AVEN: variants seen among roughly 807,000 people sequenced by gnomAD.
AVEN encodes cell death regulator Aven.
A neutral mutation model predicts 38.1 loss-of-function variants in AVEN; 41 were observed. The observed-to-expected ratio is 1.08, with a 90% CI of 0.84 to 1.40. The LOEUF (loss-of-function observed/expected upper bound fraction) is 1.40, where lower values mean the gene tolerates loss of function less well. Among genes scored for constraint, AVEN ranks in the 40% most tolerant of loss-of-function variants. The pLI, the probability that AVEN is intolerant of heterozygous loss-of-function variation, is 0.00. For missense variants in AVEN, 605 were observed against 438.8 expected, an observed-to-expected ratio of 1.38 and a Z score of -3.38; for synonymous variants, 206 against 171.8, an observed-to-expected ratio of 1.20 and a Z score of -1.56.
intron 1 of AVEN, among the ~76,000 whole-genome samples, chr15:34,004,738 T>C (rs1419270779): frequency 6.6e-6 from 1 of 152,190 alleles, no homozygotes; most frequent in Non-Finnish European, 1.5e-5. Flanking sequence ...AATTGGTAAT[T>C]GCTGAAGCTG....
intron 2 of AVEN, among the ~76,000 whole-genome samples, chr15:33,938,920 C>A (rs144437022): frequency 1.2e-3 from 183 of 151,718 alleles, no homozygotes; most frequent in African/African-American, 4.3e-3. Context: ...CGGCTCACTG[C>A]AACCTCTGCC....
intron 2 of AVEN, among the ~76,000 whole-genome samples, chr15:33,918,641 A>T (rs924225801): frequency 6.6e-6 from 1 of 151,374 alleles, no homozygotes; most frequent in South Asian, 2.1e-4. Flanking sequence ...TTTAGCAGAG[A>T]TGGGGGTTTC....
At chr15:33,880,331 T>C (rs1160194457) in intron 2 of AVEN, among the ~76,000 whole-genome samples, 1 of 152,110 alleles carries the variant, frequency 6.6e-6, no homozygotes, top group African/African-American at 2.4e-5. Flanking sequence ...CCTAAGGCAT[T>C]TATCAATTTT....
chr15:33,954,229 C>T (rs529203814), intron 2 of AVEN, among the ~76,000 whole-genome samples: 39 of 151,822 alleles, frequency 2.6e-4, no homozygotes, highest in Non-Finnish European at 3.7e-4. Context: ...TCAACCATTG[C>T]GGAAGACAGT....
chr15:33,857,815 TTATCTC>T, downstream of AVEN: 1 of 1,614,198 alleles, frequency 6.2e-7, no homozygotes. Flanking sequence ...CCGTGGTGGT[TTATCTC>T]TATACTGTGG....
chr15:33,875,366 T>G (rs530765296), intron 3 of AVEN, among the ~76,000 whole-genome samples: 72 of 152,308 alleles, frequency 4.7e-4, no homozygotes, highest in Non-Finnish European at 8.5e-4. Flanking sequence ...AGAGGAAGCC[T>G]GCTTGGAAAA....
Position 34,063,149 on chromosome 15 carries a change from G to A in AVEN, n.1410C>T, listed in dbSNP as rs771958823. 35 of 1,613,990 alleles carry A rather than the reference G, an allele frequency of 2.2e-5. No individual in the cohort carries two copies. Among genetic ancestry groups the A allele is most frequent in the South Asian group, 3.3e-5 (3 of 91,070 alleles). On this transcript the variant is annotated non_coding_transcript_exon_variant, in exon 5 of 12. Transcript: ENST00000675287. This position sits in a 1 kb window ranked among gnomAD's most constrained non-coding sequence, Gnocchi z 4.1. ...TGACATATCGGGCCAAGCGTACTCCGAAAAGGGCTGGCATCATGATTGGCT... is the reference window on the plus strand; with the variant it reads ...TGACATATCGGGCCAAGCGTACTCCAAAAAGGGCTGGCATCATGATTGGCT...
intron 2 of AVEN, among the ~76,000 whole-genome samples, chr15:33,967,708 C>A (rs186196721): frequency 7.3e-4 from 111 of 151,808 alleles, no homozygotes; most frequent in African/African-American, 2.4e-3. Flanking sequence ...AACTGAAGTG[C>A]AGTTTTAAAA....
intron 11 of AVEN, among the ~76,000 whole-genome samples, chr15:33,860,811 A>AC (rs1887908264): frequency 6.6e-6 from 1 of 151,788 alleles, no homozygotes; most frequent in African/African-American, 2.4e-5. Flanking sequence ...ACCCTGCCAT[A>AC]CCCCTGCCAG....
intron 4 of AVEN, among the ~76,000 whole-genome samples, chr15:33,870,593 A>C (rs1478045773): frequency 2.0e-5 from 3 of 152,208 alleles, no homozygotes; most frequent in African/African-American, 7.2e-5. Context: ...AAGTTCCAGA[A>C]AGGCAGGAAC....
At chr15:34,068,982 T>C (rs1387320562) in intron 2 of AVEN, among the ~76,000 whole-genome samples, 1 of 151,944 alleles carries the variant, frequency 6.6e-6, no homozygotes, top group Non-Finnish European at 1.5e-5. Flanking sequence ...CGGCTAATTT[T>C]TTGTATTTTT....
chr15:33,872,364 T>G (rs1228285807), intron 3 of AVEN, among the ~76,000 whole-genome samples: 3 of 152,192 alleles, frequency 2.0e-5, no homozygotes, highest in African/African-American at 7.2e-5. Context: ...TACTTCACTT[T>G]GCAGCTAAAA....
intron 2 of AVEN, among the ~76,000 whole-genome samples, chr15:33,887,096 T>C (rs993537010): frequency 2.0e-5 from 3 of 152,238 alleles, no homozygotes; most frequent in African/African-American, 4.8e-5. Flanking sequence ...CATAGTTCTA[T>C]CAAACCACAA....
chr15:33,895,361 T>C (rs636322), intron 2 of AVEN, among the ~76,000 whole-genome samples: 123,473 of 150,562 alleles, frequency 0.82, 54,695 homozygotes, highest in Non-Finnish European at 0.98. Context: ...GGCCCCACTC[T>C]ATTACCCAGT....
chr15:33,927,592 C>T lies in AVEN; in HGVS notation c.446-51597G>A, dbSNP rs1034525405. ...GGCTAACAGAACAAGCTTCAGGGCT[C>T]CTCACTTGCACAGGCCCCTTCCAAG... On this transcript the variant is annotated intron_variant, in intron 2 of 5. Coordinates refer to ENST00000306730, the MANE Select transcript of AVEN (RefSeq NM_020371.3). Among the ~76,000 whole-genome samples the T allele has an allele frequency of 4.6e-5, 7 of 152,084 alleles. No individual in the cohort carries two copies. The South Asian group carries it at 1.0e-3, about 23-fold the overall frequency.
At chr15:33,961,621 G>A (rs557494892) in intron 2 of AVEN, among the ~76,000 whole-genome samples, 8 of 151,442 alleles carry the variant, frequency 5.3e-5, no homozygotes, top group African/African-American at 4.9e-5. Context: ...AGACCATTCT[G>A]GCTAACACGG....
intron 2 of AVEN, among the ~76,000 whole-genome samples, chr15:33,967,933 A>G (rs1895453164): frequency 6.7e-6 from 1 of 149,262 alleles, no homozygotes; most frequent in Non-Finnish European, 1.5e-5. Flanking sequence ...ACAGGCATAC[A>G]TTTAGGAAAA....
intron 2 of AVEN, among the ~76,000 whole-genome samples, chr15:33,933,785 C>G (rs566977872): frequency 2.8e-4 from 43 of 152,218 alleles, no homozygotes; most frequent in African/African-American, 9.6e-4. Context: ...ATGGCAAAAC[C>G]CTGTCTCTGC....
chr15:33,917,529 A>G (rs898342297), intron 2 of AVEN, among the ~76,000 whole-genome samples: 18 of 125,080 alleles, frequency 1.4e-4, no homozygotes, highest in African/African-American at 5.3e-4. Context: ...ATACGTGTAT[A>G]TATATATATA....
Sources: gnomAD v4.1 joint callset for allele counts (sites outside exome capture counted in the v4.1 genomes callset) on GRCh38, gnomAD v4.1.1 for gene constraint, Gnocchi (gnomAD v3.1) non-coding constraint, MANE v1.5 for transcripts, NCBI Gene and HGNC (gene_info 2026-07-23, HGNC 2026-07-21) for gene names.